The following DVL1 variants were observed in gnomAD, a reference collection of about 807,000 sequenced individuals.
DVL1 encodes the protein segment polarity protein dishevelled homolog DVL-1.
A neutral mutation model predicts 65.0 loss-of-function variants in DVL1; 49 were observed. That is an observed-to-expected ratio of 0.75 (90% CI 0.60 to 0.96). The LOEUF is 0.96. Among genes scored for constraint, DVL1 ranks in the 40% least tolerant of loss-of-function variants. The pLI is 0.00. For synonymous variants in DVL1, 608 were observed against 433.9 expected, an observed-to-expected ratio of 1.40 and a Z score of -4.99; for missense variants, 1,197 against 1,045.4, an observed-to-expected ratio of 1.15 and a Z score of -2.00.
rs774149938 is a variant in DVL1, at chr1:1,337,885, G to T, written c.1714+92C>A. The T allele has an allele frequency of 3.1e-6, 3 of 977,964 alleles. No individual in the cohort carries two copies. The South Asian group carries it at 4.3e-5, about 14-fold the overall frequency. The allele number at this position is 977,964 out of a possible 1,614,324, so 60.6% of individuals were successfully genotyped here. On this transcript the variant is annotated intron_variant, in intron 14 of 14. Transcript: ENST00000378888. ...GTGGAGCTGGGGGTGGAGCAGCAGC[G>T]GGGTGGGGTGGAACTGGGGGCGGAG...
At position 1,336,525 on chromosome 1, in the gene DVL1, A is replaced by T. The variant is rs562357128; in HGVS notation, c.1715-10T>A. ...CCACTGCTTTTGCTCCCTGGGAGTGAGAACAGGATGGGGAAGGAGCCTGTC... is the reference window on the plus strand; with the variant it reads ...CCACTGCTTTTGCTCCCTGGGAGTGTGAACAGGATGGGGAAGGAGCCTGTC... On this transcript the variant is annotated splice_polypyrimidine_tract_variant and intron_variant, in intron 14 of 14. Transcript: ENST00000378888. 1 of 1,501,000 alleles carries T rather than the reference A, an allele frequency of 6.7e-7. No individual in the cohort carries two copies. The highest frequency in any genetic ancestry group is 1.4e-5 in the African/African-American group (1 of 70,640). The allele number at this position is 1,501,000 out of a possible 1,614,324, so 93.0% of individuals were successfully genotyped here. A position where few individuals can be genotyped will look rare whatever the true frequency, so the allele number is the denominator to read the frequency against.
Position 1,338,124 on chromosome 1 carries a change from C to A in DVL1, c.1567G>T (p.Ala523Ser). 6.2e-7 allele frequency: 1 copy of A among 1,609,360 alleles called. No homozygotes were observed. ...SSGTSDQDTL[A>S]PLPHPAAPWP... ...GGGGCAGCCGGGTGGGGCAGCGGGGCCAGCGTGTCCTGATCCGAAGTCCCA... is the reference window on the plus strand; with the variant it reads ...GGGGCAGCCGGGTGGGGCAGCGGGGACAGCGTGTCCTGATCCGAAGTCCCA... The change falls in exon 14 of 15, where the codon GCC becomes TCC. Residue 523 changes from alanine (A) to serine (S), a missense_variant. Ala to Ser is a moderately conservative substitution (Grantham distance 99, BLOSUM62 1). Transcript: ENST00000378888.
chr1:1,338,229 T>TGCCCCCCC, intron 13 of DVL1, 40 bp downstream of exon 13: 10 of 1,522,330 alleles, frequency 6.6e-6, no homozygotes, highest in Non-Finnish European at 9.0e-6. Context: ...CCTCCGGCGT[T>TGCCCCCCC]CCCCTCCCCC....
At chr1:1,339,894 G>A (rs900667711) in intron 8 of DVL1, 82 bp from the exon 9 acceptor site, 4 of 1,574,722 alleles carry the variant, frequency 2.5e-6, no homozygotes, top group Non-Finnish European at 3.4e-6. Context: ...ACAGCCGCAT[G>A]TCCCCCAGCA....
chr1:1,338,739 C>G lies in DVL1; in HGVS notation c.1208-86G>C, dbSNP rs1396754943. ...CTGCACCCCCAGGGGAGCCTCTGGG[C>G]AGAGCCTGCGCCAGGGCGCAAGCTG... On this transcript the variant is annotated intron_variant, in intron 11 of 14. Coordinates refer to ENST00000378888, the MANE Select transcript of DVL1 (RefSeq NM_001330311.2). 2.0e-6 allele frequency: 3 copies of G among 1,516,492 alleles called. No homozygotes were observed. In the East Asian group the frequency reaches 7.0e-5, roughly 35 times the overall value. 93.9% of individuals were successfully genotyped at this position (1,516,492 alleles called of 1,614,324 possible). A position where few individuals can be genotyped will look rare whatever the true frequency, so the allele number is the denominator to read the frequency against.
intron 12 of DVL1, 28 bp from the exon 13 acceptor site, chr1:1,338,464 G>A (rs1410517509): frequency 6.2e-7 from 1 of 1,608,952 alleles, no homozygotes; most frequent in Admixed American, 1.7e-5. Flanking sequence ...TCAGCCCGCA[G>A]CCTCGAGGCA....
At chr1:1,339,851 G>T in intron 8 of DVL1, 39 bp from the exon 9 acceptor site, 1 of 1,600,324 alleles carries the variant, frequency 6.2e-7, no homozygotes, top group Non-Finnish European at 8.5e-7. Context: ...GGCAGGATGT[G>T]CAGCTCAGTC....
intron 14 of DVL1, 145 bp from the exon 15 acceptor site, chr1:1,336,660 G>A (rs1368276158): frequency 7.1e-6 from 8 of 1,133,140 alleles, no homozygotes; most frequent in Non-Finnish European, 9.4e-6. Context: ...CGCGAGGACA[G>A]GGCCGGCACC....
In DVL1 at chr1:1,339,787, A is replaced by G. The variant is rs377132750; in HGVS notation, c.935T>C (p.Met312Thr). 6.2e-7 allele frequency: 1 copy of G among 1,611,768 alleles called. No individual in the cohort carries two copies. Among genetic ancestry groups the G allele is most frequent in the Non-Finnish European group, 8.5e-7 (1 of 1,179,614 alleles). Residue 312 changes from methionine (M) to threonine (T), a missense_variant, in exon 9 of 15, where the codon ATG becomes ACG. Physicochemically the swap from Met to Thr is moderately conservative, Grantham distance 81. Coordinates refer to ENST00000378888, the MANE Select transcript of DVL1 (RefSeq NM_001330311.2). Reference sequence around the variant, plus strand: ...CACCCGCACGGCATCGTCATTGCTCATGTTCTCAAAGTTCACGTCATTCAC... The same window carrying G: ...CACCCGCACGGCATCGTCATTGCTCGTGTTCTCAAAGTTCACGTCATTCAC... Reference protein sequence around the residue: ...LQVNDVNFENMSNDDAVRVLR... With the variant: ...LQVNDVNFENTSNDDAVRVLR...
chr1:1,341,994 G>A (rs1569721933), intron 4 of DVL1, 59 bp downstream of exon 4: 1 of 1,488,154 alleles, frequency 6.7e-7, no homozygotes, highest in Non-Finnish European at 9.1e-7. Flanking sequence ...TAGGAACATG[G>A]CTCATGGGGG....
intron 1 of DVL1, among the ~76,000 whole-genome samples, chr1:1,343,827 C>G (rs1271556227): frequency 6.6e-6 from 1 of 152,240 alleles, no homozygotes; most frequent in Non-Finnish European, 1.5e-5. Context: ...CCAAACCTCC[C>G]TGCACCTCAG....
At position 1,340,197 on chromosome 1, in the gene DVL1, C is replaced by T. The variant is rs765578585; in HGVS notation, c.770-20G>A. The T allele has an allele frequency of 1.2e-6, 2 of 1,613,570 alleles. No individual in the cohort carries two copies. Among genetic ancestry groups the T allele is most frequent in the Non-Finnish European group, 1.7e-6 (2 of 1,179,970 alleles). On this transcript the variant is annotated intron_variant, in intron 7 of 14. Transcript: ENST00000378888. Reference sequence around the variant, plus strand: ...GTCTTTCTGCAGGAAGAGCCATGAGCCGCGGCCAAGCCCCTGCCCCTGCCC... The same window carrying T: ...GTCTTTCTGCAGGAAGAGCCATGAGTCGCGGCCAAGCCCCTGCCCCTGCCC...
intron 5 of DVL1, among the ~76,000 whole-genome samples, chr1:1,340,818 C>G (rs951429317): frequency 7.7e-6 from 1 of 129,282 alleles, no homozygotes; most frequent in East Asian, 2.0e-4. Context: ...CATGCACACA[C>G]CTGCACACAC....
chr1:1,346,603 G>A (rs1643917351), intron 1 of DVL1, among the ~76,000 whole-genome samples: 1 of 152,244 alleles, frequency 6.6e-6, no homozygotes, highest in African/African-American at 2.4e-5. Flanking sequence ...TTCACCCACT[G>A]GGCCAAAGCC....
In DVL1 at chr1:1,338,591, G is replaced by A. The variant is rs571199278; in HGVS notation, c.1270C>T (p.Leu424=). The A allele has an allele frequency of 3.0e-5, 49 of 1,612,416 alleles. No homozygotes were observed. In the South Asian group the frequency reaches 3.8e-4, roughly 13 times the overall value. Residue 424 remains leucine, a synonymous_variant, in exon 12 of 15, where the codon CTG becomes TTG. Coordinates refer to ENST00000378888, the MANE Select transcript of DVL1 (RefSeq NM_001330311.2). The part of the protein sequence containing the change: ...DMSAVVRVMQ[L]PDSGLEIRDR... ...CGGATCTCCAGTCCCGAGTCTGGCA[G>A]CTGCATGACCCGGACGACGGCGCTC...
Position 1,336,417 on chromosome 1 carries a change from C to G in DVL1, c.1813G>C (p.Asp605His). ...AGAGGSGSES[D>H]HTAPSGVGSS... ...CCCACCCCACTCGGTGCCGTGTGATCCGATTCACTGCCACTGCCCCCAGCT... is the reference window on the plus strand; with the variant it reads ...CCCACCCCACTCGGTGCCGTGTGATGCGATTCACTGCCACTGCCCCCAGCT... Residue 605 changes from aspartate to histidine, a missense_variant, in exon 15 of 15, where the codon GAT (aspartate) becomes CAT (histidine). By Grantham distance (81) the Asp-to-His change is moderately conservative. Transcript: ENST00000378888. 6.3e-7 allele frequency: 1 copy of G among 1,597,156 alleles called. No individual in the cohort carries two copies. The highest frequency in any genetic ancestry group is 8.5e-7 in the Non-Finnish European group (1 of 1,177,450).
At position 1,336,315 on chromosome 1, in the gene DVL1, G is replaced by C; in HGVS notation, c.1915C>G (p.Pro639Ala). The change falls in exon 15 of 15, where the codon CCG becomes GCG. Residue 639 changes from proline to alanine, a missense_variant. By Grantham distance (27) the Pro-to-Ala change is conservative. Coordinates refer to ENST00000378888, the MANE Select transcript of DVL1 (RefSeq NM_001330311.2). Reference protein sequence around the residue: ...SPRSQASATAPGLPPPHPTTK... With the variant: ...SPRSQASATAAGLPPPHPTTK... The stretch of plus-strand genomic sequence containing the variant: ...GTGGGGTGGGGCGGGGGGAGCCCCG[G>C]GGCGGTAGCCGAGGCCTGACTGCGT... 1 of 1,572,182 alleles carries C rather than the reference G, an allele frequency of 6.4e-7. No homozygotes were observed. The highest frequency in any genetic ancestry group is 8.6e-7 in the Non-Finnish European group (1 of 1,166,034).
At position 1,336,391 on chromosome 1, in the gene DVL1, C is replaced by A; in HGVS notation, c.1839G>T (p.Gly613=). 6.3e-7 allele frequency: 1 copy of A among 1,599,036 alleles called. No homozygotes were observed. Among genetic ancestry groups the A allele is most frequent in the Non-Finnish European group, 8.5e-7 (1 of 1,178,498 alleles). The change falls in exon 15 of 15, where the codon GGG becomes GGT. Residue 613 remains glycine (G), a synonymous_variant. Coordinates refer to ENST00000378888, the MANE Select transcript of DVL1 (RefSeq NM_001330311.2). ...ESDHTAPSGV[G]SSWRERPAGQ... ...CGGCCGGACGCTCTCGCCAGCTGCTCCCCACCCCACTCGGTGCCGTGTGAT... is the reference window on the plus strand; with the variant it reads ...CGGCCGGACGCTCTCGCCAGCTGCTACCCACCCCACTCGGTGCCGTGTGAT...
chr1:1,344,125 C>T (rs770974925), intron 1 of DVL1, among the ~76,000 whole-genome samples: 9 of 152,188 alleles, frequency 5.9e-5, no homozygotes, highest in Non-Finnish European at 1.3e-4. Context: ...TCGACACTCA[C>T]ACTGTGACCT....
Sources: allele counts gnomAD v4.1 joint callset (sites outside exome capture counted in the v4.1 genomes callset), GRCh38; gene constraint gnomAD v4.1.1; transcripts MANE v1.5; gene names NCBI Gene and HGNC (gene_info 2026-07-23, HGNC 2026-07-21).